The following TANC1 variants were observed in gnomAD, a reference collection of about 807,000 sequenced individuals.
The protein encoded by TANC1 is protein TANC1.
A neutral mutation model predicts 149.7 loss-of-function variants in TANC1; 77 were observed. That is an observed-to-expected ratio of 0.51 (90% CI 0.43 to 0.62). The LOEUF (loss-of-function observed/expected upper bound fraction) is 0.62. Ranked by LOEUF, TANC1 falls within the 20% of genes least tolerant of loss-of-function variation. The pLI, the probability that TANC1 is intolerant of heterozygous loss-of-function variation, is 0.00. For missense variants in TANC1, 1,985 were observed against 2,321.8 expected (o/e 0.85, Z 2.98); for synonymous variants, 854 against 925.0 (o/e 0.92, Z 1.39).
chr2:159,139,718 T>C (rs373816619), intron 5 of TANC1, among the ~76,000 whole-genome samples: 47 of 150,660 alleles, frequency 3.1e-4, no homozygotes, highest in African/African-American at 1.1e-3. Context: ...TTAAATGATA[T>C]CTTCATGTCA....
At chr2:159,173,204 C>T (rs1361835090) in intron 11 of TANC1, among the ~76,000 whole-genome samples, 1 of 152,206 alleles carries the variant, frequency 6.6e-6, no homozygotes, top group Non-Finnish European at 1.5e-5. Flanking sequence ...ATCACTCACA[C>T]ATAATCACCC....
rs540965435 is a variant in TANC1 at position 158,991,725 on chromosome 2, G to A, written c.-125-9355G>A. Among the ~76,000 whole-genome samples the A allele has an allele frequency of 6.6e-5, 10 of 151,776 alleles. No homozygotes were observed. In the East Asian group the frequency reaches 9.8e-4, roughly 15 times the overall value. On this transcript the variant is annotated intron_variant, in intron 1 of 26. Transcript: ENST00000263635. ...CGCACCACTGCACTCCAGCCTGGGC[G>A]ACAGAGTGAGACTCTGTCTCAAAAA...
At chr2:159,084,299 C>T (rs182281053) in intron 3 of TANC1, among the ~76,000 whole-genome samples, 190 of 151,328 alleles carry the variant, frequency 1.3e-3, no homozygotes, top group Non-Finnish European at 1.7e-3. Flanking sequence ...ACTCCTAGCT[C>T]CCCCCCCAAT....
chr2:159,062,739 G>A (rs1352866101), intron 2 of TANC1, among the ~76,000 whole-genome samples: 2 of 150,996 alleles, frequency 1.3e-5, no homozygotes, highest in African/African-American at 2.4e-5. Context: ...AGGCCGAGGC[G>A]GGTGGATCAT....
In TANC1 at chr2:159,219,766, G is replaced by A; in HGVS notation, c.3577G>A (p.Val1193Met). The A allele has an allele frequency of 1.2e-6, 2 of 1,614,250 alleles. No homozygotes were observed. The highest frequency in any genetic ancestry group is 1.7e-6 in the Non-Finnish European group (2 of 1,180,050). Reference sequence around the variant, plus strand: ...GGCTTGTCTGAAAGGTCACAGGGCAGTGGTCCAGTATCTGGTTGAAGAAGG... The same window carrying A: ...GGCTTGTCTGAAAGGTCACAGGGCAATGGTCCAGTATCTGGTTGAAGAAGG... ...SWACLKGHRA[V>M]VQYLVEEGAA... The change falls in exon 22 of 27, where the codon GTG becomes ATG. Residue 1193 changes from valine to methionine, a missense_variant. By Grantham distance (21) the Val-to-Met change is conservative (BLOSUM62 1). Around this residue, in one of 3 missense-constraint regions of TANC1, gnomAD observed 920 missense variants for 994.7 expected, o/e 0.92. Transcript: ENST00000263635.
chr2:159,130,940 G>A (rs1007987672), intron 4 of TANC1, among the ~76,000 whole-genome samples: 1 of 152,100 alleles, frequency 6.6e-6, no homozygotes, highest in African/African-American at 2.4e-5. Flanking sequence ...TTGTATATAA[G>A]GTGCTAAAAG....
chr2:158,978,662 C>G (rs1042868854), intron 1 of TANC1, among the ~76,000 whole-genome samples: 2 of 152,204 alleles, frequency 1.3e-5, no homozygotes, highest in Non-Finnish European at 2.9e-5. Flanking sequence ...AGGGTAGGAT[C>G]TGGCCTGAGC....
chr2:159,017,952 C>T (rs1559136987), intron 2 of TANC1, among the ~76,000 whole-genome samples: 1 of 152,104 alleles, frequency 6.6e-6, no homozygotes, highest in Non-Finnish European at 1.5e-5. Context: ...TTGGGATGTT[C>T]TCCTATGTGT....
At chr2:159,028,166 G>A (rs1203333070) in intron 2 of TANC1, among the ~76,000 whole-genome samples, 1 of 152,070 alleles carries the variant, frequency 6.6e-6, no homozygotes, top group Admixed American at 6.6e-5. Flanking sequence ...TGTTGCCTAG[G>A]CTGGAGTGCA....
intron 8 of TANC1, among the ~76,000 whole-genome samples, chr2:159,164,437 G>T (rs995986211): frequency 6.6e-6 from 1 of 152,122 alleles, no homozygotes; most frequent in African/African-American, 2.4e-5. Context: ...GAGGATTTCG[G>T]TATCCTCAGG....
intron 19 of TANC1, among the ~76,000 whole-genome samples, chr2:159,207,507 C>G (rs1025134249): frequency 6.6e-6 from 1 of 151,968 alleles, no homozygotes; most frequent in Non-Finnish European, 1.5e-5. Context: ...CAAGACCAGT[C>G]TGGCCAACAT....
At chr2:159,119,548 CTG>C (rs2048636699) in intron 4 of TANC1, among the ~76,000 whole-genome samples, 2 of 152,186 alleles carry the variant, frequency 1.3e-5, no homozygotes, top group Admixed American at 1.3e-4. Flanking sequence ...TAAGCAATGA[CTG>C]TAGTTGCTTT....
chr2:159,213,049 G>A (rs190598246), intron 19 of TANC1, among the ~76,000 whole-genome samples: 12 of 152,222 alleles, frequency 7.9e-5, no homozygotes, highest in Admixed American at 7.2e-4. Context: ...TCCACTGATA[G>A]AAATCTCTAG....
intron 3 of TANC1, among the ~76,000 whole-genome samples, chr2:159,074,734 C>T (rs1472167657): frequency 1.3e-5 from 2 of 151,926 alleles, no homozygotes; most frequent in Non-Finnish European, 2.9e-5. Context: ...CTTGAGCTGC[C>T]GTAACAAAGC....
intron 22 of TANC1, among the ~76,000 whole-genome samples, chr2:159,222,711 T>C (rs2059781547): frequency 6.6e-6 from 1 of 152,234 alleles, no homozygotes; most frequent in Non-Finnish European, 1.5e-5. Context: ...GGTGTCCAAG[T>C]ATTTATTCAA....
At chr2:158,992,188 A>C (rs1291983011) in intron 1 of TANC1, among the ~76,000 whole-genome samples, 6 of 151,994 alleles carry the variant, frequency 3.9e-5, no homozygotes, top group Admixed American at 2.0e-4. Context: ...CACAGGTGAG[A>C]CCTCATCTCT....
intron 2 of TANC1, among the ~76,000 whole-genome samples, chr2:159,041,440 A>G (rs959057168): frequency 3.3e-5 from 5 of 152,162 alleles, no homozygotes; most frequent in Non-Finnish European, 7.4e-5. Context: ...TGGACTCCAC[A>G]CAGTTCGAGC....
At chr2:159,093,686 T>C (rs574127112) in intron 3 of TANC1, among the ~76,000 whole-genome samples, 92 of 152,172 alleles carry the variant, frequency 6.0e-4, no homozygotes, top group African/African-American at 2.1e-3. Context: ...GAACAACATG[T>C]TTGAGAGTGA....
chr2:159,228,621 T>C, intron 25 of TANC1, 175 bp from the exon 26 acceptor site: 1 of 604,820 alleles, frequency 1.7e-6, no homozygotes, highest in Admixed American at 2.8e-5. Flanking sequence ...CCTAATGATA[T>C]TAATCAACCA....
Sources: allele counts gnomAD v4.1 joint callset (sites outside exome capture counted in the v4.1 genomes callset), GRCh38; gene constraint gnomAD v4.1.1; regional missense constraint gnomAD v4.1.1; transcripts MANE v1.5; gene names NCBI Gene and HGNC (gene_info 2026-07-23, HGNC 2026-07-21).